KCNIP4: variants seen among roughly 807,000 people sequenced by gnomAD.
KCNIP4 encodes the protein potassium voltage-gated channel interacting protein 4.
In KCNIP4, 12 loss-of-function variants were observed where a neutral mutation model predicts 34.0. The ratio of observed to expected loss-of-function variants is 0.35; its 90% CI spans 0.23 to 0.57. KCNIP4 has a LOEUF of 0.57. KCNIP4 is among the 20% of genes least tolerant of loss of function. The pLI, the probability that KCNIP4 is intolerant of heterozygous loss-of-function variation, is 0.83. For missense variants in KCNIP4, 238 were observed against 311.7 expected, an observed-to-expected ratio of 0.76 and a Z score of 1.78; for synonymous variants, 124 against 102.2, an observed-to-expected ratio of 1.21 and a Z score of -1.29.
intron 1 of KCNIP4, among the ~76,000 whole-genome samples, chr4:21,867,767 C>T (rs1207701212): frequency 2.0e-5 from 3 of 152,214 alleles, no homozygotes. Flanking sequence ...AATTTAATAA[C>T]ATATTCTAAA....
intron 1 of KCNIP4, among the ~76,000 whole-genome samples, chr4:20,998,224 G>A (rs568606194): frequency 1.3e-5 from 2 of 152,300 alleles, no homozygotes; most frequent in South Asian, 4.1e-4. Flanking sequence ...AACCTAGAAA[G>A]TAATGTTTCA....
rs1227355239 is a variant in KCNIP4, at chr4:21,636,157, G to GA, written c.61+312413dup. On this transcript the variant is annotated intron_variant, in intron 1 of 8. Transcript: ENST00000382152. ...ACTGTTGTGGGGTGGGGGGAGGGGG[G>GA]AGGGATAGCATTAGGTGATATACCT... 6.0e-4 allele frequency among the ~76,000 whole-genome samples: 66 copies of GA among 110,720 alleles called. 1 individual carries two copies. Among genetic ancestry groups the GA allele is most frequent in the African/African-American group, 2.2e-3 (64 of 29,556 alleles). The allele number at this position is 110,720 out of a possible 152,430, so 72.6% of individuals were successfully genotyped here. A position where few individuals can be genotyped will look rare whatever the true frequency, so the allele number is the denominator to read the frequency against.
At chr4:20,928,582 T>TAAAGTTAGTGGA (rs1292611431) in intron 1 of KCNIP4, among the ~76,000 whole-genome samples, 1 of 151,308 alleles carries the variant, frequency 6.6e-6, no homozygotes, top group Non-Finnish European at 1.5e-5. Context: ...AAGAGCAAAC[T>TAAAGTTAGTGGA]AAACCCAAAG....
At position 21,916,593 on chromosome 4, in the gene KCNIP4, A is replaced by T. The variant is rs543109944; in HGVS notation, c.61+31978T>A. 2.6e-5 allele frequency among the ~76,000 whole-genome samples: 4 copies of T among 152,336 alleles called. No homozygotes were observed. The South Asian group carries it at 8.3e-4, about 32-fold the overall frequency. On this transcript the variant is annotated intron_variant, in intron 1 of 8. Transcript: ENST00000382152. ...TCTACCAACATCCTATTCTATCTAT[A>T]AAAAGAAAAAGTCATATAGGGAATA...
At chr4:21,903,696 C>T (rs1727831417) in intron 1 of KCNIP4, among the ~76,000 whole-genome samples, 1 of 152,058 alleles carries the variant, frequency 6.6e-6, no homozygotes, top group Non-Finnish European at 1.5e-5. Flanking sequence ...AATAGGCTAT[C>T]ATGAAATATG....
At chr4:21,323,937 C>G (rs1038150051) in intron 1 of KCNIP4, among the ~76,000 whole-genome samples, 1 of 151,960 alleles carries the variant, frequency 6.6e-6, no homozygotes, top group Admixed American at 6.6e-5. Context: ...AGATAAAAAC[C>G]ATTTTAACTG....
chr4:21,656,386 G>T (rs1410498971), intron 1 of KCNIP4: 1 of 152,128 alleles, frequency 6.6e-6, no homozygotes, highest in East Asian at 1.9e-4. Context: ...AAATAAAGTT[G>T]CATTCTGAAA....
rs148820238 is a variant in KCNIP4, at chr4:21,679,442, G to T, written c.61+269129C>A. Among the ~76,000 whole-genome samples the T allele has an allele frequency of 4.1e-3, 610 of 150,544 alleles. 2 individuals are homozygous for T. The highest frequency in any genetic ancestry group is 0.014 in the African/African-American group (570 of 40,800). ...TGTTGGATAATTGAATCCTAGCAAT[G>T]CATTCATCTCTTATATCCCCTGCCT... On this transcript the variant is annotated intron_variant, in intron 1 of 8. Coordinates refer to ENST00000382152, the MANE Select transcript of KCNIP4 (RefSeq NM_025221.6).
chr4:21,772,475 T>C (rs1010665093), intron 1 of KCNIP4, among the ~76,000 whole-genome samples: 1 of 152,126 alleles, frequency 6.6e-6, no homozygotes, highest in African/African-American at 2.4e-5. Flanking sequence ...TGTTCAATTG[T>C]TTGGAATAGT....
At chr4:20,874,641 T>C (rs1026373866) in intron 2 of KCNIP4, among the ~76,000 whole-genome samples, 15 of 152,004 alleles carry the variant, frequency 9.9e-5, no homozygotes, top group Non-Finnish European at 7.4e-5. Context: ...TTTTCCTTTT[T>C]TCACTAAGTA....
rs1405982260 is a variant in KCNIP4, at chr4:21,015,977, G to A, written c.62-133268C>T. The stretch of plus-strand genomic sequence containing the variant: ...AGAGAGAAAGCTTACGGCATGTCAG[G>A]TACTATGCTTAAAAAATAAAAGAGT... On this transcript the variant is annotated intron_variant, in intron 1 of 8. Transcript: ENST00000382152. Among the ~76,000 whole-genome samples the A allele has an allele frequency of 2.8e-5, 4 of 142,962 alleles. No individual in the cohort carries two copies. In the Admixed American group the frequency reaches 2.9e-4, roughly 10 times the overall value. The allele number at this position is 142,962 out of a possible 152,430, so 93.8% of individuals were successfully genotyped here.
At chr4:21,650,498 G>C (rs866678678) in intron 1 of KCNIP4, among the ~76,000 whole-genome samples, 1 of 152,012 alleles carries the variant, frequency 6.6e-6, no homozygotes, top group African/African-American at 2.4e-5. Context: ...CATAATTTGG[G>C]CACAGCCCAC....
intron 1 of KCNIP4, among the ~76,000 whole-genome samples, chr4:21,693,289 G>A (rs1199375097): frequency 2.6e-5 from 4 of 152,136 alleles, no homozygotes; most frequent in Admixed American, 6.5e-5. Context: ...GGCTGGGCAC[G>A]GTGGCTCATG....
chr4:21,230,809 T>C (rs1317192240), intron 1 of KCNIP4, among the ~76,000 whole-genome samples: 1 of 152,190 alleles, frequency 6.6e-6, no homozygotes, highest in Non-Finnish European at 1.5e-5. Context: ...TTGTGACTAG[T>C]GCTGCAATGA....
chr4:21,428,355 G>A (rs1366836174), intron 1 of KCNIP4, among the ~76,000 whole-genome samples: 5 of 152,212 alleles, frequency 3.3e-5, no homozygotes, highest in African/African-American at 4.8e-5. Flanking sequence ...TAGACCACCA[G>A]GACACTGATA....
chr4:21,486,013 G>A (rs574706497), intron 1 of KCNIP4, among the ~76,000 whole-genome samples: 1 of 152,252 alleles, frequency 6.6e-6, no homozygotes, highest in Non-Finnish European at 1.5e-5. Flanking sequence ...GCATAGGAAG[G>A]AAGCTCATGA....
At chr4:21,097,372 T>A (rs559321298) in intron 1 of KCNIP4, among the ~76,000 whole-genome samples, 107 of 152,322 alleles carry the variant, frequency 7.0e-4, no homozygotes, top group African/African-American at 2.5e-3. Context: ...TATCATTTTT[T>A]ATTTTGTTTC....
chr4:20,992,557 T>C (rs1208657244), intron 1 of KCNIP4, among the ~76,000 whole-genome samples: 2 of 152,172 alleles, frequency 1.3e-5, no homozygotes, highest in African/African-American at 4.8e-5. Flanking sequence ...TAATTCCATG[T>C]GCTTTCTCCT....
intron 1 of KCNIP4, among the ~76,000 whole-genome samples, chr4:21,619,815 T>A (rs1219640666): frequency 6.6e-6 from 1 of 152,224 alleles, no homozygotes; most frequent in Non-Finnish European, 1.5e-5. Flanking sequence ...TAATGGAAGA[T>A]GCAGAAGGCA....
Sources: allele counts gnomAD v4.1 joint callset (sites outside exome capture counted in the v4.1 genomes callset), GRCh38; gene constraint gnomAD v4.1.1; transcripts MANE v1.5; gene names NCBI Gene and HGNC (gene_info 2026-07-23, HGNC 2026-07-21).